PRKAR1B: variants seen among roughly 807,000 people sequenced by gnomAD.
PRKAR1B encodes the protein protein kinase cAMP-dependent type I regulatory subunit beta, also known as cAMP-dependent protein kinase type I-beta regulatory subunit.
Under a neutral mutation model 46.5 loss-of-function variants are expected in PRKAR1B, and 22 were observed. The observed-to-expected ratio is 0.47, with a 90% CI of 0.34 to 0.68. PRKAR1B has a LOEUF of 0.68. Among genes scored for constraint, PRKAR1B ranks in the 30% least tolerant of loss-of-function variants. The pLI, the probability that PRKAR1B is intolerant of heterozygous loss-of-function variation, is 0.01. For missense variants in PRKAR1B, 445 were observed against 535.6 expected (o/e 0.83, Z 1.67); for synonymous variants, 259 against 217.7 (o/e 1.19, Z -1.67).
At chr7:597,412 C>G (rs1227090090) in intron 6 of PRKAR1B, among the ~76,000 whole-genome samples, 1 of 152,318 alleles carries the variant, frequency 6.6e-6, no homozygotes, top group Middle Eastern at 3.4e-3. Context: ...CAAAGGCAGA[C>G]TCTGCCTGGC....
At chr7:612,261 T>A (rs1583301592) in intron 4 of PRKAR1B, among the ~76,000 whole-genome samples, 1 of 138,962 alleles carries the variant, frequency 7.2e-6, no homozygotes, top group Admixed American at 7.2e-5. Flanking sequence ...GGTGAGTAGA[T>A]CAACGGATGG....
chr7:708,568 C>A (rs1780450456), intron 2 of PRKAR1B, among the ~76,000 whole-genome samples: 1 of 152,186 alleles, frequency 6.6e-6, no homozygotes, highest in African/African-American at 2.4e-5. Context: ...CTCACTGCAA[C>A]CTCCGCCTCC....
At position 556,714 on chromosome 7, in the gene PRKAR1B, C is replaced by T. The variant is rs75733986; in HGVS notation, c.892-5244G>A. ...GTGCCTGTGGATCGGGAACAGTTCC[C>T]CACGCACCTCCGGCACGTCGACCCT... is the stretch of plus-strand genomic sequence containing the variant. On this transcript the variant is annotated intron_variant, in intron 9 of 10. Transcript: ENST00000537384. Among the ~76,000 whole-genome samples, 2,204 of 152,242 alleles carry T rather than the reference C, an allele frequency of 0.014. 92 individuals carry two copies. The East Asian group carries it at 0.18, about 12-fold the overall frequency.
At chr7:586,599 C>T (rs563965964) in intron 7 of PRKAR1B, among the ~76,000 whole-genome samples, 93 of 152,290 alleles carry the variant, frequency 6.1e-4, no homozygotes, top group African/African-American at 1.8e-3. Context: ...AGGCCAGAGC[C>T]GAGCAGCTGC....
At chr7:628,642 G>A (rs898941864) in intron 4 of PRKAR1B, among the ~76,000 whole-genome samples, 10 of 152,190 alleles carry the variant, frequency 6.6e-5, no homozygotes, top group Admixed American at 4.6e-4. Flanking sequence ...GGGTCAGGCC[G>A]GCCAGGCGAT....
chr7:659,862 T>C (rs1348208873), intron 4 of PRKAR1B, among the ~76,000 whole-genome samples: 1 of 152,122 alleles, frequency 6.6e-6, no homozygotes, highest in African/African-American at 2.4e-5. Context: ...TGTGCTACTG[T>C]GCCTGGCCCA....
At chr7:650,545 G>A (rs561689963) in intron 4 of PRKAR1B, among the ~76,000 whole-genome samples, 1 of 152,288 alleles carries the variant, frequency 6.6e-6, no homozygotes, top group East Asian at 1.9e-4. Context: ...TGCCTGCCTG[G>A]TGCACTTCTG....
In PRKAR1B at chr7:705,882, C is replaced by T. The variant is rs140764808; in HGVS notation, c.177+5447G>A. 3.0e-4 allele frequency among the ~76,000 whole-genome samples: 45 copies of T among 152,092 alleles called. 1 individual carries two copies. In the East Asian group the frequency reaches 8.1e-3, roughly 27 times the overall value. On this transcript the variant is annotated intron_variant, in intron 2 of 10. Coordinates refer to ENST00000537384, the MANE Select transcript of PRKAR1B (RefSeq NM_001164760.2). ...TCTCTACTGAAAATATAAAATTAGC[C>T]GGGCGTGGTGGCAGGCGCCTGTAAT...
intron 4 of PRKAR1B, among the ~76,000 whole-genome samples, chr7:663,777 G>A (rs1196152577): frequency 6.6e-6 from 1 of 152,138 alleles, no homozygotes; most frequent in Non-Finnish European, 1.5e-5. Context: ...CATCAGGACA[G>A]CGAGACAGCA....
At chr7:647,069 A>C (rs1163027820) in intron 4 of PRKAR1B, among the ~76,000 whole-genome samples, 1 of 152,156 alleles carries the variant, frequency 6.6e-6, no homozygotes, top group Non-Finnish European at 1.5e-5. Context: ...CATGGGACGC[A>C]ACATGGCCGG....
At chr7:665,746 C>T (rs1015936973) in intron 4 of PRKAR1B, among the ~76,000 whole-genome samples, 3 of 152,172 alleles carry the variant, frequency 2.0e-5, no homozygotes, top group African/African-American at 7.2e-5. Flanking sequence ...GAGAGGGGGC[C>T]GTGAAGGCTC....
intron 2 of PRKAR1B, among the ~76,000 whole-genome samples, chr7:695,282 T>C (rs1779667581): frequency 6.6e-6 from 1 of 152,142 alleles, no homozygotes; most frequent in African/African-American, 2.4e-5. Flanking sequence ...GCCCAGAATG[T>C]GCCCCAGAAT....
chr7:639,530 G>A (rs1468614172), intron 4 of PRKAR1B, among the ~76,000 whole-genome samples: 2 of 152,184 alleles, frequency 1.3e-5, no homozygotes, highest in African/African-American at 4.8e-5. Context: ...AGAGATTTTA[G>A]ATGTAACCGC....
intron 4 of PRKAR1B, chr7:607,755 A>C: frequency 3.3e-6 from 1 of 298,514 alleles, no homozygotes; most frequent in Non-Finnish European, 6.3e-6. Context: ...TCCATTTAGA[A>C]AAACAAAAGT....
At chr7:623,923 T>C (rs541999657) in intron 4 of PRKAR1B, among the ~76,000 whole-genome samples, 1 of 152,190 alleles carries the variant, frequency 6.6e-6, no homozygotes, top group Non-Finnish European at 1.5e-5. Context: ...CCTGTGGATC[T>C]AGGGAAGGAG....
chr7:552,770 C>T (rs908022144), intron 9 of PRKAR1B, among the ~76,000 whole-genome samples: 1 of 152,250 alleles, frequency 6.6e-6, no homozygotes. Flanking sequence ...ACAGGGCTGC[C>T]GGTCTCCAAG....
At chr7:582,829 G>A (rs1780271603) in intron 8 of PRKAR1B, among the ~76,000 whole-genome samples, 1 of 152,268 alleles carries the variant, frequency 6.6e-6, no homozygotes, top group Admixed American at 6.5e-5. Flanking sequence ...GCCCAGACGG[G>A]CGGCAGAGGC....
chr7:685,295 C>CGTATATATATATGT (rs1300520762), intron 2 of PRKAR1B, among the ~76,000 whole-genome samples: 2 of 12,228 alleles, frequency 1.6e-4, no homozygotes, highest in Non-Finnish European at 3.0e-4. Context: ...TATATGTATA[C>CGTATATATATATGT]ATATATATAT....
At position 602,320 on chromosome 7, in the gene PRKAR1B, G is replaced by A. The variant is rs1264088478; in HGVS notation, c.549+3873C>T. ...GGGTCTGTCCTGCTGGAAGGACGGA[G>A]GGAAGGGAGATGCCTCACTGAGTCC... On this transcript the variant is annotated intron_variant, in intron 6 of 10. Transcript: ENST00000537384. This position sits in a 1 kb window ranked among gnomAD's most constrained non-coding sequence, Gnocchi z 6.4. 2.6e-5 allele frequency among the ~76,000 whole-genome samples: 4 copies of A among 152,210 alleles called. No individual in the cohort carries two copies. The highest frequency in any genetic ancestry group is 9.6e-5 in the African/African-American group (4 of 41,462).
Sources: gnomAD v4.1 joint callset for allele counts (sites outside exome capture counted in the v4.1 genomes callset) on GRCh38, gnomAD v4.1.1 for gene constraint, Gnocchi (gnomAD v3.1) non-coding constraint, MANE v1.5 for transcripts, NCBI Gene and HGNC (gene_info 2026-07-23, HGNC 2026-07-21) for gene names.